Variants in FBXL13 observed in about 807,000 individuals in gnomAD.
FBXL13 encodes the protein F-box and leucine rich repeat protein 13.
In FBXL13, 67 loss-of-function variants were observed where a neutral mutation model predicts 83.6. The observed-to-expected ratio is 0.80, with a 90% confidence interval of 0.66 to 0.98. The LOEUF (loss-of-function observed/expected upper bound fraction) is 0.98, where lower values mean the gene tolerates loss of function less well. Among genes scored for constraint, FBXL13 ranks in the 50% least tolerant of loss-of-function variants. The probability of loss-of-function intolerance (pLI) is 0.00; values close to 1 mark genes in which losing one functional copy is unlikely to be tolerated. For synonymous variants in FBXL13, 272 were observed against 299.5 expected, an observed-to-expected ratio of 0.91 and a Z score of 0.95; for missense variants, 822 against 866.5, an observed-to-expected ratio of 0.95 and a Z score of 0.64.
At chr7:102,920,513 C>A (rs1265609424) in intron 10 of FBXL13, among the ~76,000 whole-genome samples, 1 of 152,060 alleles carries the variant, frequency 6.6e-6, no homozygotes, top group Non-Finnish European at 1.5e-5. Context: ...CCACACCCAA[C>A]TAATTTTTGT....
At chr7:102,870,873 G>A (rs982391200) in intron 16 of FBXL13, among the ~76,000 whole-genome samples, 2 of 152,130 alleles carry the variant, frequency 1.3e-5, no homozygotes, top group African/African-American at 2.4e-5. Flanking sequence ...TTTTGATGGT[G>A]CCACTGCATT....
chr7:103,032,038 G>A (rs1235235780), intron 2 of FBXL13, among the ~76,000 whole-genome samples: 2 of 152,192 alleles, frequency 1.3e-5, no homozygotes, highest in African/African-American at 4.8e-5. Flanking sequence ...TTTAAGCTGA[G>A]TTCCAGCAGC....
chr7:102,867,566 G>C (rs1807847291), intron 16 of FBXL13, among the ~76,000 whole-genome samples: 1 of 150,668 alleles, frequency 6.6e-6, no homozygotes. Context: ...TGCAGGGGTG[G>C]CCAAGGGCCG....
chr7:102,904,395 CT>C lies in FBXL13; in HGVS notation c.1008+8690del, dbSNP rs200622328. Among the ~76,000 whole-genome samples, 318 of 150,624 alleles carry C rather than the reference CT, an allele frequency of 2.1e-3. 3 individuals carry two copies. Among genetic ancestry groups the C allele is most frequent in the African/African-American group, 7.4e-3 (306 of 41,216 alleles). ...GGATCTTCTCTCTTTTATTCTTTTTCTTTTTTTTTATACTTTAATTTCTAGG... is the reference window on the plus strand; with the variant it reads ...GGATCTTCTCTCTTTTATTCTTTTTCTTTTTTTTATACTTTAATTTCTAGG... On this transcript the variant is annotated intron_variant, in intron 11 of 19. Coordinates refer to ENST00000313221, the Ensembl canonical transcript of FBXL13.
intron 19 of FBXL13, 69 bp from the exon 21 acceptor site, chr7:102,813,600 C>A: frequency 6.6e-7 from 1 of 1,515,980 alleles, no homozygotes. Flanking sequence ...TCAAACTCAA[C>A]CAAATTTGGA....
chr7:102,852,068 C>G (rs1159441978), intron 17 of FBXL13, among the ~76,000 whole-genome samples: 1 of 152,128 alleles, frequency 6.6e-6, no homozygotes, highest in Admixed American at 6.6e-5. Context: ...TTTCTATCCA[C>G]AGAATACTTT....
chr7:103,010,179 G>C lies in FBXL13; in HGVS notation c.495+14884C>G, dbSNP rs1018831485. ...TGTCCCGGGAAATACCTGGATGGCA[G>C]AGTGTGCAACCCCACCCACCCCCGC... On this transcript the variant is annotated intron_variant, in intron 6 of 19. Transcript: ENST00000313221. Among the ~76,000 whole-genome samples the C allele has an allele frequency of 3.0e-4, 45 of 152,114 alleles. 1 individual carries two copies. Among genetic ancestry groups the C allele is most frequent in the Non-Finnish European group, 5.9e-4 (40 of 67,984 alleles).
At chr7:103,050,220 CCATT>C (rs1458734506) in intron 2 of FBXL13, among the ~76,000 whole-genome samples, 1 of 152,020 alleles carries the variant, frequency 6.6e-6, no homozygotes, top group African/African-American at 2.4e-5. Context: ...GTAATTTTTG[CCATT>C]CATTTAACCA....
intron 18 of FBXL13, among the ~76,000 whole-genome samples, chr7:102,831,556 A>G (rs1800705200): frequency 6.6e-6 from 1 of 152,148 alleles, no homozygotes; most frequent in South Asian, 2.1e-4. Context: ...AGATTTATGG[A>G]GTAGGGGCTG....
At chr7:103,026,259 C>A (rs1793904724) in intron 5 of FBXL13, among the ~76,000 whole-genome samples, 1 of 151,992 alleles carries the variant, frequency 6.6e-6, no homozygotes. Flanking sequence ...CTGACTCAGC[C>A]TCCCAAGTAG....
At chr7:102,855,299 A>C (rs1412448438) in intron 16 of FBXL13, among the ~76,000 whole-genome samples, 1 of 152,204 alleles carries the variant, frequency 6.6e-6, no homozygotes, top group Non-Finnish European at 1.5e-5. Context: ...ATAATGATTA[A>C]TCCCTTGAAG....
chr7:102,996,334 G>C (rs984592165), intron 6 of FBXL13, among the ~76,000 whole-genome samples: 1 of 152,126 alleles, frequency 6.6e-6, no homozygotes, highest in Non-Finnish European at 1.5e-5. Flanking sequence ...TCACCACAGG[G>C]GTCTGGGATA....
intron 9 of FBXL13, 25 bp from the exon 11 acceptor site, chr7:102,926,399 G>T (rs1323268514): frequency 2.5e-6 from 4 of 1,573,170 alleles, no homozygotes; most frequent in South Asian, 1.1e-5. Flanking sequence ...GAGGGAAGAG[G>T]CTTATCAAAT....
At chr7:103,059,392 A>G (rs1340763312) in intron 1 of FBXL13, among the ~76,000 whole-genome samples, 1 of 152,248 alleles carries the variant, frequency 6.6e-6, no homozygotes, top group East Asian at 1.9e-4. Flanking sequence ...ACATGCCAAT[A>G]AGACAGCAGT....
At chr7:102,988,278 T>C (rs963715134) in intron 6 of FBXL13, 1 of 152,184 alleles carries the variant, frequency 6.6e-6, no homozygotes, top group African/African-American at 2.4e-5. Flanking sequence ...AGGGTAAAGA[T>C]ATGCTCAGGA....
chr7:102,867,447 T>C (rs946614803), intron 16 of FBXL13, among the ~76,000 whole-genome samples: 2 of 151,712 alleles, frequency 1.3e-5, no homozygotes, highest in Admixed American at 1.3e-4. Context: ...AGGGAATAAC[T>C]TGTAGAGATG....
chr7:102,999,329 T>A (rs1585298130), intron 6 of FBXL13, among the ~76,000 whole-genome samples: 3 of 152,284 alleles, frequency 2.0e-5, no homozygotes, highest in African/African-American at 7.2e-5. Flanking sequence ...TGCTAGTATT[T>A]TATCGAAGAT....
intron 6 of FBXL13, among the ~76,000 whole-genome samples, chr7:102,994,774 T>C (rs973472180): frequency 1.3e-5 from 2 of 152,210 alleles, no homozygotes; most frequent in Admixed American, 6.5e-5. Flanking sequence ...TGCTGGCTTC[T>C]GATTGGTCAG....
intron 16 of FBXL13, among the ~76,000 whole-genome samples, chr7:102,858,686 C>T (rs1238926241): frequency 6.6e-6 from 1 of 152,180 alleles, no homozygotes; most frequent in East Asian, 1.9e-4. Context: ...ATGCATGCTA[C>T]TATATGAACG....
Sources: gnomAD v4.1 joint callset for allele counts (sites outside exome capture counted in the v4.1 genomes callset) on GRCh38, gnomAD v4.1.1 for gene constraint, MANE v1.5 for transcripts, NCBI Gene and HGNC (gene_info 2026-07-23, HGNC 2026-07-21) for gene names.